KEAP1: variants seen among roughly 807,000 people sequenced by gnomAD.
The protein encoded by KEAP1 is kelch-like ECH-associated protein 1.
Under a neutral mutation model 59.7 loss-of-function variants are expected in KEAP1, and 26 were observed. That is an observed-to-expected ratio of 0.44 (90% CI 0.32 to 0.60). KEAP1 has a LOEUF of 0.60. Ranked by LOEUF, KEAP1 falls within the 20% of genes least tolerant of loss-of-function variation. The probability of loss-of-function intolerance (pLI) is 0.06; values close to 1 mark genes in which losing one functional copy is unlikely to be tolerated. For missense variants in KEAP1, 539 were observed against 871.4 expected, an observed-to-expected ratio of 0.62 and a Z score of 4.80; for synonymous variants, 350 against 358.3, an observed-to-expected ratio of 0.98 and a Z score of 0.26.
At position 10,497,506 on chromosome 19, in the gene KEAP1, T is replaced by A. The variant is rs149076618; in HGVS notation, c.639+1889A>T. ...TAGGCTGAAGGGTAGTACTGCCTCATAGGACAGTTGGGAACAGTCAATGAT... is the reference window on the plus strand; with the variant it reads ...TAGGCTGAAGGGTAGTACTGCCTCAAAGGACAGTTGGGAACAGTCAATGAT... On this transcript the variant is annotated intron_variant, in intron 2 of 5. Coordinates refer to ENST00000171111, the MANE Select transcript of KEAP1 (RefSeq NM_203500.2). Among the ~76,000 whole-genome samples, 102 of 152,284 alleles carry A rather than the reference T, an allele frequency of 6.7e-4. No homozygotes were observed. The East Asian group carries it at 0.018, about 27-fold the overall frequency.
intron 2 of KEAP1, among the ~76,000 whole-genome samples, chr19:10,496,074 A>G (rs995578648): frequency 6.6e-6 from 1 of 151,934 alleles, no homozygotes; most frequent in Non-Finnish European, 1.5e-5. Context: ...CTGTAGTCTC[A>G]GCTACTCAGG....
At chr19:10,494,327 C>CTTTT (rs1195911183) in intron 2 of KEAP1, among the ~76,000 whole-genome samples, 116 of 110,396 alleles carry the variant, frequency 1.1e-3, no homozygotes, top group Non-Finnish European at 1.5e-3. Context: ...CCTGGCTTGG[C>CTTTT]TTTTTTTTTT....
chr19:10,491,707 TG>T lies in KEAP1; in HGVS notation c.1194del (p.Met399Ter). On this transcript the variant is annotated frameshift_variant, in exon 3 of 6. Coordinates refer to ENST00000171111, the MANE Select transcript of KEAP1 (RefSeq NM_203500.2). LOFTEE classifies it high-confidence loss of function. The surrounding 1 kb of genome is among the most constrained non-coding windows in gnomAD (Gnocchi z 5.2). ...GCGCAGGGCGACCACTGATTGGTCA[TG>T]GGGTTGTAACAGTCCAGGGCGCTGG... ...TDSSALDCYN[P>X]MTNQWSPCAP... 6.4e-7 allele frequency: 1 copy of T among 1,571,228 alleles called. No individual in the cohort carries two copies. Among genetic ancestry groups the T allele is most frequent in the Non-Finnish European group, 8.6e-7 (1 of 1,159,188 alleles).
Position 10,499,183 on chromosome 19 carries a change from T to A in KEAP1, c.639+212A>T, listed in dbSNP as rs943649735. On this transcript the variant is annotated intron_variant, in intron 2 of 5. Transcript: ENST00000171111. The surrounding 1 kb of genome is among the most constrained non-coding windows in gnomAD (Gnocchi z 6.7). ...TTGTTTGTTTAGAGACAGGGTGTCA[T>A]TATGTTGCCTGGGCTGGTCTTGAAC... Among the ~76,000 whole-genome samples, 1 of 152,026 alleles carries A rather than the reference T, an allele frequency of 6.6e-6. No individual in the cohort carries two copies. The highest frequency in any genetic ancestry group is 2.4e-5 in the African/African-American group (1 of 41,388).
intron 2 of KEAP1, among the ~76,000 whole-genome samples, chr19:10,494,902 C>T (rs1035689275): frequency 3.3e-5 from 5 of 151,682 alleles, no homozygotes; most frequent in African/African-American, 1.2e-4. Context: ...GATCCGCCTG[C>T]CTCAGCCTCC....
Position 10,486,699 on chromosome 19 carries a change from T to C in KEAP1, c.1828A>G (p.Met610Val). The change falls in exon 6 of 6, where the codon ATG (methionine) becomes GTG (valine). Residue 610 changes from methionine to valine, a missense_variant. Met to Val is a conservative substitution (Grantham distance 21). This residue lies in a region of KEAP1 where 311 missense variants were observed against 425.2 expected (regional missense o/e 0.73). Coordinates refer to ENST00000171111, the MANE Select transcript of KEAP1 (RefSeq NM_203500.2). ...TCAATCTGCTTCCGGCAGGGCTCCA[T>C]GGTGACAGCCACGCCCACCCCACTC... is the stretch of plus-strand genomic sequence containing the variant. Reference protein sequence around the residue: ...GRSGVGVAVTMEPCRKQIDQQ... With the variant: ...GRSGVGVAVTVEPCRKQIDQQ... The C allele has an allele frequency of 6.2e-7, 1 of 1,614,082 alleles. No homozygotes were observed. Among genetic ancestry groups the C allele is most frequent in the Non-Finnish European group, 8.5e-7 (1 of 1,180,008 alleles).
Position 10,491,408 on chromosome 19 carries a change from T to G in KEAP1, c.1325+169A>C, listed in dbSNP as rs1189480386. On this transcript the variant is annotated intron_variant, in intron 3 of 5. Transcript: ENST00000171111. This position sits in a 1 kb window ranked among gnomAD's most constrained non-coding sequence, Gnocchi z 5.2. The stretch of plus-strand genomic sequence containing the variant: ...GCATTTCCCAGCCCCAGGCACAGAA[T>G]CAAAGGTCACTGACTAGAACTCTCC... Among the ~76,000 whole-genome samples, 4 of 152,070 alleles carry G rather than the reference T, an allele frequency of 2.6e-5. No homozygotes were observed. The highest frequency in any genetic ancestry group is 2.9e-5 in the Non-Finnish European group (2 of 68,010).
intron 2 of KEAP1, among the ~76,000 whole-genome samples, chr19:10,493,449 AC>A (rs1325045260): frequency 1.3e-5 from 2 of 151,090 alleles, no homozygotes; most frequent in African/African-American, 2.4e-5. Flanking sequence ...GGCGTGAGCC[AC>A]CGCGCCCGGC....
rs772084936 is a variant in KEAP1, at chr19:10,489,303, T to C, written c.1597A>G (p.Ser533Gly). Residue 533 changes from serine to glycine, a missense_variant, in exon 5 of 6, where the codon AGC (serine) becomes GGC (glycine). Physicochemically the swap from Ser to Gly is moderately conservative, Grantham distance 56. Around this residue, in one of 4 missense-constraint regions of KEAP1, gnomAD observed 311 missense variants for 425.2 expected, o/e 0.73. Transcript: ENST00000171111. ...GTTTCCACATCGTAGCGCTCCACGC[T>C]GTTCAGCTGGTCCTGACCATCATAG... ...GGYDGQDQLN[S>G]VERYDVETET... 2 of 1,614,050 alleles carry C rather than the reference T, an allele frequency of 1.2e-6. No homozygotes were observed. Among genetic ancestry groups the C allele is most frequent in the South Asian group, 1.1e-5 (1 of 91,080 alleles).
In KEAP1 at chr19:10,492,406, C is replaced by T; in HGVS notation, c.640-144G>A. The T allele has an allele frequency of 4.5e-6, 3 of 661,240 alleles. No homozygotes were observed. In the South Asian group the frequency reaches 5.7e-5, roughly 13 times the overall value. The allele number at this position is 661,240 out of a possible 1,614,324, so 41.0% of individuals were successfully genotyped here. Reference sequence around the variant, plus strand: ...ATGGGGATTCAAATAATAGGAACCGCGTACATTGTGATGACTAAATGAGTT... The same window carrying T: ...ATGGGGATTCAAATAATAGGAACCGTGTACATTGTGATGACTAAATGAGTT... On this transcript the variant is annotated intron_variant, in intron 2 of 5. Coordinates refer to ENST00000171111, the MANE Select transcript of KEAP1 (RefSeq NM_203500.2).
rs189539124 is a variant in KEAP1 at position 10,496,217 on chromosome 19, C to A, written c.639+3178G>T. Among the ~76,000 whole-genome samples, 115 of 148,140 alleles carry A rather than the reference C, an allele frequency of 7.8e-4. 3 individuals are homozygous for A. In the Middle Eastern group the frequency reaches 0.014, roughly 18 times the overall value. The stretch of plus-strand genomic sequence containing the variant: ...AAAAAGAAAAAAAAAAAAAAAAGGC[C>A]AGGTGCGGTGGCTCACACACGTAAT... On this transcript the variant is annotated intron_variant, in intron 2 of 5. Coordinates refer to ENST00000171111, the MANE Select transcript of KEAP1 (RefSeq NM_203500.2).
At chr19:10,487,941 C>T (rs1201883176) in intron 5 of KEAP1, among the ~76,000 whole-genome samples, 1 of 152,000 alleles carries the variant, frequency 6.6e-6, no homozygotes, top group Non-Finnish European at 1.5e-5. Flanking sequence ...CCAGCCTGAC[C>T]AACATGGAGA....
rs769699962 is a variant in KEAP1, at chr19:10,486,836, G to A, written c.1709-18C>T. The A allele has an allele frequency of 1.9e-6, 3 of 1,606,042 alleles. No individual in the cohort carries two copies. The Admixed American group carries it at 5.0e-5, about 27-fold the overall frequency. ...ATAGCCTCCTGCGGGAAGAACAGAA[G>A]GGATGGTCACCACCTGTCACACCAC... is the stretch of plus-strand genomic sequence containing the variant. On this transcript the variant is annotated intron_variant, in intron 5 of 5. Coordinates refer to ENST00000171111, the MANE Select transcript of KEAP1 (RefSeq NM_203500.2).
chr19:10,500,229 C>G (rs1914994276), intron 1 of KEAP1, 149 bp from the exon 2 acceptor site: 2 of 601,630 alleles, frequency 3.3e-6, no homozygotes, highest in Non-Finnish European at 5.7e-6. Flanking sequence ...GCAAACTTCC[C>G]CGACCTGATC....
Position 10,494,084 on chromosome 19 carries a change from G to A in KEAP1, c.640-1822C>T, listed in dbSNP as rs1294282692. Among the ~76,000 whole-genome samples the A allele has an allele frequency of 2.0e-5, 3 of 152,032 alleles. No homozygotes were observed. The East Asian group carries it at 5.8e-4, about 29-fold the overall frequency. On this transcript the variant is annotated intron_variant, in intron 2 of 5. Transcript: ENST00000171111. The stretch of plus-strand genomic sequence containing the variant: ...AGCCTCCTGAGTCGCTGGGACTACA[G>A]GTGTGTGCCACCACGCACAGCTAAT...
In KEAP1 at chr19:10,489,691, C is replaced by T. The variant is rs1350664949; in HGVS notation, c.1488G>A (p.Glu496=). 1.2e-6 allele frequency: 2 copies of T among 1,614,068 alleles called. No homozygotes were observed. The highest frequency in any genetic ancestry group is 2.2e-5 in the South Asian group (2 of 91,082). ...SAECYYPERN[E]WRMITAMNTI... ...TGTTCATTGCTGTGATCATTCGCCA[C>T]TCGTTCCTCTCTGGGTAGTAACACT... The change falls in exon 4 of 6, where the codon GAG becomes GAA. Residue 496 remains glutamate (E), a synonymous_variant. Transcript: ENST00000171111.
chr19:10,493,283 C>T (rs972288552), intron 2 of KEAP1, among the ~76,000 whole-genome samples: 6 of 151,868 alleles, frequency 4.0e-5, no homozygotes, highest in Non-Finnish European at 4.4e-5. Flanking sequence ...CTCAGCCTCC[C>T]GATTAGCTGG....
At chr19:10,497,275 G>A (rs1043331345) in intron 2 of KEAP1, among the ~76,000 whole-genome samples, 24 of 152,080 alleles carry the variant, frequency 1.6e-4, no homozygotes, top group African/African-American at 5.8e-4. Flanking sequence ...TAGGACTAAC[G>A]CCAGAGAACC....
At chr19:10,489,552 G>C (rs894474905) in intron 4 of KEAP1, 96 bp downstream of exon 4, 1 of 1,416,076 alleles carries the variant, frequency 7.1e-7, no homozygotes, top group East Asian at 2.3e-5. Context: ...CAGCATGAGG[G>C]TTGCAACAGG....
Sources: allele counts gnomAD v4.1 joint callset (sites outside exome capture counted in the v4.1 genomes callset), GRCh38; gene constraint gnomAD v4.1.1; regional missense constraint gnomAD v4.1.1; non-coding constraint Gnocchi (gnomAD v3.1); transcripts MANE v1.5; gene names NCBI Gene and HGNC (gene_info 2026-07-23, HGNC 2026-07-21).